The following NRXN1 variants were observed in gnomAD, a reference collection of about 807,000 sequenced individuals.
NRXN1 encodes neurexin 1, also known as neurexin-1.
In NRXN1, 39 loss-of-function variants were observed where a neutral mutation model predicts 150.9. The ratio of observed to expected loss-of-function variants is 0.26; its 90% CI spans 0.20 to 0.34. The LOEUF (loss-of-function observed/expected upper bound fraction) is 0.34. NRXN1 is among the 10% of genes least tolerant of loss of function. The probability of loss-of-function intolerance (pLI) is 1.00; values close to 1 mark genes in which losing one functional copy is unlikely to be tolerated. For missense variants in NRXN1, 1,815 were observed against 1,949.9 expected (o/e 0.93, Z 1.30); for synonymous variants, 924 against 757.0 (o/e 1.22, Z -3.62).
At chr2:50,832,257 G>T (rs893259628) in intron 5 of NRXN1, among the ~76,000 whole-genome samples, 3 of 152,146 alleles carry the variant, frequency 2.0e-5, no homozygotes, top group African/African-American at 7.2e-5. Flanking sequence ...GAGGTCAAGA[G>T]AGTTGTAAGT....
At chr2:50,960,069 G>C (rs552207399) in intron 2 of NRXN1, among the ~76,000 whole-genome samples, 1 of 151,750 alleles carries the variant, frequency 6.6e-6, no homozygotes, top group Non-Finnish European at 1.5e-5. Flanking sequence ...GTTCTCAAAA[G>C]AATTTTTTTT....
intron 8 of NRXN1, among the ~76,000 whole-genome samples, chr2:50,569,479 T>C (rs1052888812): frequency 2.6e-5 from 4 of 152,196 alleles, no homozygotes; most frequent in East Asian, 1.9e-4. Flanking sequence ...GATTCTGCCA[T>C]AAATTTTACA....
intron 21 of NRXN1, among the ~76,000 whole-genome samples, chr2:49,952,747 T>C (rs1162780060): frequency 6.6e-6 from 1 of 152,126 alleles, no homozygotes; most frequent in Admixed American, 6.6e-5. Context: ...AAGCCACTGA[T>C]TAAAATCCTT....
intron 21 of NRXN1, among the ~76,000 whole-genome samples, chr2:49,960,094 C>A (rs1228750318): frequency 6.6e-6 from 1 of 152,158 alleles, no homozygotes; most frequent in African/African-American, 2.4e-5. Context: ...AATAAGCTAA[C>A]TGCAGGTGCA....
At chr2:50,866,174 A>C (rs2106066224) in intron 5 of NRXN1, among the ~76,000 whole-genome samples, 1 of 152,040 alleles carries the variant, frequency 6.6e-6, no homozygotes, top group East Asian at 1.9e-4. Flanking sequence ...TCTACTGTTG[A>C]ATATCAATTA....
At chr2:50,508,834 T>C (rs988111975) in intron 12 of NRXN1, among the ~76,000 whole-genome samples, 2 of 152,216 alleles carry the variant, frequency 1.3e-5, no homozygotes, top group African/African-American at 4.8e-5. Flanking sequence ...TCATGCATTA[T>C]TAAAATTGTG....
intron 18 of NRXN1, among the ~76,000 whole-genome samples, chr2:50,136,244 A>G (rs1706390266): frequency 6.6e-6 from 1 of 152,174 alleles, no homozygotes; most frequent in Non-Finnish European, 1.5e-5. Context: ...AGCCTGACTT[A>G]CGCCAAGAGA....
intron 17 of NRXN1, among the ~76,000 whole-genome samples, chr2:50,278,253 T>TATATTATATATATAC (rs2070859347): frequency 8.7e-6 from 1 of 115,156 alleles, no homozygotes; most frequent in African/African-American, 3.5e-5. Context: ...TATATATATA[T>TATATTATATATATAC]ATTATATATA....
At chr2:50,088,709 G>T (rs1223057875) in intron 19 of NRXN1, among the ~76,000 whole-genome samples, 1 of 152,030 alleles carries the variant, frequency 6.6e-6, no homozygotes, top group Admixed American at 6.5e-5. Flanking sequence ...GGCAAATAAG[G>T]TACTATATGT....
At chr2:50,273,436 C>G (rs2069978174) in intron 17 of NRXN1, among the ~76,000 whole-genome samples, 1 of 152,126 alleles carries the variant, frequency 6.6e-6, no homozygotes, top group South Asian at 2.1e-4. Flanking sequence ...AATTTTCCAG[C>G]ATGATCTCTC....
At chr2:50,185,140 C>G (rs1165295480) in intron 18 of NRXN1, among the ~76,000 whole-genome samples, 1 of 152,084 alleles carries the variant, frequency 6.6e-6, no homozygotes, top group Non-Finnish European at 1.5e-5. Context: ...ACCAGCTAAT[C>G]CATCCATGGA....
At chr2:50,979,378 T>G (rs1441756371) in intron 2 of NRXN1, 2 of 441,720 alleles carry the variant, frequency 4.5e-6, no homozygotes, top group Non-Finnish European at 9.0e-6. Context: ...CCTTGGAAAC[T>G]TGCCAGTTTT....
At chr2:50,937,661 G>C (rs1015085632) in intron 2 of NRXN1, among the ~76,000 whole-genome samples, 1 of 152,086 alleles carries the variant, frequency 6.6e-6, no homozygotes, top group African/African-American at 2.4e-5. Flanking sequence ...TGATGATGAA[G>C]ATGATGACAA....
intron 17 of NRXN1, among the ~76,000 whole-genome samples, chr2:50,451,420 A>G (rs1000737267): frequency 6.6e-6 from 1 of 152,200 alleles, no homozygotes; most frequent in Admixed American, 6.5e-5. Flanking sequence ...GAGGTATACA[A>G]AGCTATTCTT....
intron 18 of NRXN1, among the ~76,000 whole-genome samples, chr2:50,140,683 A>G (rs1315904327): frequency 2.0e-5 from 3 of 148,958 alleles, no homozygotes; most frequent in Admixed American, 6.7e-5. Context: ...TTTTTTTTTA[A>G]TAGTAGAGAT....
chr2:50,194,891 G>A (rs1051907429), intron 18 of NRXN1, among the ~76,000 whole-genome samples: 8 of 152,070 alleles, frequency 5.3e-5, no homozygotes, highest in African/African-American at 1.4e-4. Context: ...AACAGATAAC[G>A]TTAAGTATTT....
intron 19 of NRXN1, among the ~76,000 whole-genome samples, chr2:50,080,189 C>A (rs1237156335): frequency 2.6e-5 from 4 of 152,044 alleles, no homozygotes; most frequent in Non-Finnish European, 4.4e-5. Flanking sequence ...GAGTATAGTA[C>A]AATAAGAAAT....
intron 17 of NRXN1, among the ~76,000 whole-genome samples, chr2:50,380,306 G>C (rs1300124697): frequency 2.0e-5 from 3 of 151,772 alleles, no homozygotes; most frequent in Admixed American, 6.6e-5. Context: ...GCGTGTGTGT[G>C]TGTATTTTTT....
chr2:50,535,820 T>C (rs2093243161), intron 10 of NRXN1, among the ~76,000 whole-genome samples: 1 of 152,200 alleles, frequency 6.6e-6, no homozygotes, highest in African/African-American at 2.4e-5. Flanking sequence ...AATTGCAACA[T>C]AATTTTTCCA....
Sources: allele counts gnomAD v4.1 joint callset (sites outside exome capture counted in the v4.1 genomes callset), GRCh38; gene constraint gnomAD v4.1.1; transcripts MANE v1.5; gene names NCBI Gene and HGNC (gene_info 2026-07-23, HGNC 2026-07-21).